The following EGF variants were observed in gnomAD, a reference collection of about 807,000 sequenced individuals.
EGF encodes pro-epidermal growth factor.
In EGF, 95 loss-of-function variants were observed where a neutral mutation model predicts 143.8. The observed-to-expected ratio is 0.66, with a 90% confidence interval of 0.56 to 0.78. The LOEUF is 0.78. Ranked by LOEUF, EGF falls within the 30% of genes least tolerant of loss-of-function variation. The pLI, the probability that EGF is intolerant of heterozygous loss-of-function variation, is 0.00. For synonymous variants in EGF, 510 were observed against 510.5 expected (o/e 1.00, Z 0.01); for missense variants, 1,320 against 1,470.9 (o/e 0.90, Z 1.68).
At chr4:109,970,921 A>G (rs987037662) in intron 11 of EGF, among the ~76,000 whole-genome samples, 5 of 151,794 alleles carry the variant, frequency 3.3e-5, no homozygotes, top group Admixed American at 6.6e-5. Context: ...CAAGGTGAGC[A>G]TATTTTCTTT....
At chr4:109,992,865 C>T (rs1018474225) in intron 18 of EGF, among the ~76,000 whole-genome samples, 1 of 145,442 alleles carries the variant, frequency 6.9e-6, no homozygotes, top group Non-Finnish European at 1.5e-5. Context: ...CCAAACACTG[C>T]ATGTTCTTAC....
At chr4:109,934,232 T>C (rs370406151) in intron 1 of EGF, among the ~76,000 whole-genome samples, 5 of 152,208 alleles carry the variant, frequency 3.3e-5, no homozygotes, top group African/African-American at 1.2e-4. Flanking sequence ...ATTGATTTTG[T>C]ATCCTGAGAG....
intron 1 of EGF, among the ~76,000 whole-genome samples, chr4:109,930,288 A>G (rs889806889): frequency 6.6e-6 from 1 of 152,212 alleles, no homozygotes; most frequent in Non-Finnish European, 1.5e-5. Context: ...TTTTGGAGTG[A>G]ATAAAACGTT....
intron 6 of EGF, 144 bp downstream of exon 6, chr4:109,959,581 A>G (rs1745366834): frequency 1.6e-6 from 2 of 1,223,768 alleles, no homozygotes; most frequent in Non-Finnish European, 2.4e-6. Context: ...CCCGTCCCCC[A>G]CACAACCCCT....
At chr4:109,947,742 T>C (rs1392999213) in intron 5 of EGF, among the ~76,000 whole-genome samples, 1 of 152,236 alleles carries the variant, frequency 6.6e-6, no homozygotes, top group East Asian at 1.9e-4. Context: ...TTCATAATAA[T>C]TAGAGATATG....
chr4:109,934,570 A>G (rs1199211822), intron 1 of EGF, among the ~76,000 whole-genome samples: 1 of 152,056 alleles, frequency 6.6e-6, no homozygotes, highest in Admixed American at 6.5e-5. Flanking sequence ...GTTTAATTAG[A>G]TCCCATTTGT....
intron 22 of EGF, among the ~76,000 whole-genome samples, chr4:110,006,805 C>A (rs1369332517): frequency 2.0e-5 from 3 of 152,244 alleles, no homozygotes; most frequent in Non-Finnish European, 4.4e-5. Context: ...CAGTCCCCCA[C>A]AGCCGTCATA....
In EGF at chr4:109,931,668, A is replaced by G. The variant is rs557541295; in HGVS notation, c.128-9278A>G. 5.3e-5 allele frequency among the ~76,000 whole-genome samples: 8 copies of G among 152,334 alleles called. No homozygotes were observed. In the South Asian group the frequency reaches 1.0e-3, roughly 20 times the overall value. ...TGCCTGGTCAAAAAAAAGAAAAAAG[A>G]AAAAAGCATAGCCCTCAGCCCAGCC... On this transcript the variant is annotated intron_variant, in intron 1 of 23. Transcript: ENST00000265171.
intron 1 of EGF, among the ~76,000 whole-genome samples, chr4:109,927,749 C>T (rs1324723755): frequency 1.4e-5 from 2 of 145,518 alleles, no homozygotes; most frequent in South Asian, 2.2e-4. Context: ...AAAGACATGT[C>T]CAAAAGTAGA....
rs765812627 is a variant in EGF, at chr4:109,963,154, T to C, written c.1313-19T>C. On this transcript the variant is annotated intron_variant, in intron 8 of 23. Coordinates refer to ENST00000265171, the MANE Select transcript of EGF (RefSeq NM_001963.6). ...ATTTTGGATGACGTAGCATCATTAC[T>C]AAGCAATTGTTTTTGTAGGTTGTTC... 2 of 1,613,616 alleles carry C rather than the reference T, an allele frequency of 1.2e-6. No homozygotes were observed. The highest frequency in any genetic ancestry group is 1.7e-6 in the Non-Finnish European group (2 of 1,179,612).
At chr4:110,010,327 A>T (rs1411665172) in intron 23 of EGF, among the ~76,000 whole-genome samples, 1 of 152,222 alleles carries the variant, frequency 6.6e-6, no homozygotes, top group Non-Finnish European at 1.5e-5. Flanking sequence ...TGTGGTCCAG[A>T]TGGGGAGACA....
intron 1 of EGF, among the ~76,000 whole-genome samples, chr4:109,923,276 C>G (rs902308442): frequency 6.6e-6 from 1 of 151,530 alleles, no homozygotes; most frequent in South Asian, 2.1e-4. Context: ...AAACTGGGCT[C>G]AGGAAATAGC....
chr4:109,970,381 T>A (rs1269935994), intron 11 of EGF, among the ~76,000 whole-genome samples: 2 of 152,040 alleles, frequency 1.3e-5, no homozygotes, highest in African/African-American at 4.8e-5. Context: ...GAACATCTGG[T>A]ACCAAAGCAA....
intron 12 of EGF, 85 bp downstream of exon 12, chr4:109,974,892 C>A: frequency 1.0e-6 from 1 of 991,658 alleles, no homozygotes; most frequent in Non-Finnish European, 1.6e-6. Context: ...AAACCAGAAA[C>A]CAAGAAAATC....
At chr4:109,914,226 G>C (rs1736198811) in intron 1 of EGF, among the ~76,000 whole-genome samples, 1 of 152,164 alleles carries the variant, frequency 6.6e-6, no homozygotes, top group Non-Finnish European at 1.5e-5. Flanking sequence ...TAATCCTTGG[G>C]TGAGCCTCCA....
At chr4:109,917,652 G>T (rs535022852) in intron 1 of EGF, among the ~76,000 whole-genome samples, 1 of 152,018 alleles carries the variant, frequency 6.6e-6, no homozygotes, top group South Asian at 2.1e-4. Context: ...GACAGGTTTT[G>T]CTCTGTCGCC....
intron 21 of EGF, among the ~76,000 whole-genome samples, chr4:110,000,815 G>A (rs1231791131): frequency 6.6e-6 from 1 of 152,194 alleles, no homozygotes; most frequent in Non-Finnish European, 1.5e-5. Flanking sequence ...TAAAACTTTA[G>A]GGCTGAAGGG....
At position 109,980,821 on chromosome 4, in the gene EGF, A is replaced by T; in HGVS notation, c.2222-5A>T. 1 of 1,613,924 alleles carries T rather than the reference A, an allele frequency of 6.2e-7. No individual in the cohort carries two copies. The highest frequency in any genetic ancestry group is 2.2e-5 in the East Asian group (1 of 44,884). On this transcript the variant is annotated splice_polypyrimidine_tract_variant and splice_region_variant and intron_variant, in intron 14 of 23. Coordinates refer to ENST00000265171, the MANE Select transcript of EGF (RefSeq NM_001963.6). Reference sequence around the variant, plus strand: ...ACTTGTGAATTTGTTTCTTTTCTCTACTAGGAGCAGATCCCTGCTTATATC... The same window carrying T: ...ACTTGTGAATTTGTTTCTTTTCTCTTCTAGGAGCAGATCCCTGCTTATATC...
At position 110,004,432 on chromosome 4, in the gene EGF, C is replaced by T. The variant is rs570910906; in HGVS notation, c.3174-73C>T. 258 of 1,289,530 alleles carry T rather than the reference C, an allele frequency of 2.0e-4. 2 individuals carry two copies. Among genetic ancestry groups the T allele is most frequent in the Non-Finnish European group, 2.5e-5 (22 of 886,700 alleles). 79.9% of individuals were successfully genotyped at this position (1,289,530 alleles called of 1,614,324 possible). A position where few individuals can be genotyped will look rare whatever the true frequency, so the allele number is the denominator to read the frequency against. On this transcript the variant is annotated intron_variant, in intron 21 of 23. Coordinates refer to ENST00000265171, the MANE Select transcript of EGF (RefSeq NM_001963.6). ...TTTAGTAGCAAAAGCAGTTAGTTGT[C>T]CCTGATCATCACTGAGTGGGCTGAG...
Sources: allele counts gnomAD v4.1 joint callset (sites outside exome capture counted in the v4.1 genomes callset), GRCh38; gene constraint gnomAD v4.1.1; transcripts MANE v1.5; gene names NCBI Gene and HGNC (gene_info 2026-07-23, HGNC 2026-07-21).